Variants in ERMP1 observed in about 807,000 individuals in gnomAD.
ERMP1 encodes Felix-ina.
Under a neutral mutation model 92.0 loss-of-function variants are expected in ERMP1, and 86 were observed. The ratio of observed to expected loss-of-function variants is 0.93; its 90% CI spans 0.79 to 1.12. ERMP1 has a LOEUF of 1.12. ERMP1 is among the 50% of genes most tolerant of loss of function. ERMP1 has a pLI of 0.00. For missense variants in ERMP1, 1,342 were observed against 1,116.3 expected (o/e 1.20, Z -2.88); for synonymous variants, 530 against 412.8 (o/e 1.28, Z -3.44).
At chr9:5,788,425 A>T (rs1300476499) in intron 13 of ERMP1, among the ~76,000 whole-genome samples, 2 of 152,204 alleles carry the variant, frequency 1.3e-5, no homozygotes, top group African/African-American at 4.8e-5. Context: ...ATAAAAAAGA[A>T]GGAAGAGGAA....
intron 13 of ERMP1, among the ~76,000 whole-genome samples, chr9:5,795,802 A>G (rs1350504662): frequency 6.6e-6 from 1 of 152,006 alleles, no homozygotes; most frequent in Non-Finnish European, 1.5e-5. Context: ...AAGAAAAGAA[A>G]ATCTTCTTAA....
At chr9:5,790,169 CT>C (rs371493040) in intron 13 of ERMP1, among the ~76,000 whole-genome samples, 2,678 of 126,762 alleles carry the variant, frequency 0.021, 40 homozygotes, top group African/African-American at 0.047. Flanking sequence ...AAAACAATAC[CT>C]TTTTTTTTTT....
intron 12 of ERMP1, among the ~76,000 whole-genome samples, 150 bp downstream of exon 12, chr9:5,798,651 TAAAAA>T (rs57347922): frequency 2.5e-5 from 3 of 119,282 alleles, no homozygotes; most frequent in African/African-American, 9.4e-5. Context: ...TTTATTCCAC[TAAAAA>T]AAAAAAAAAA....
chr9:5,860,328 A>G (rs1830447900), intron 5 of ERMP1, among the ~76,000 whole-genome samples: 1 of 151,810 alleles, frequency 6.6e-6, no homozygotes, highest in South Asian at 2.1e-4. Flanking sequence ...ATTTATATTT[A>G]TAACTGGGAT....
At chr9:5,801,688 T>C (rs1828678879) in intron 10 of ERMP1, among the ~76,000 whole-genome samples, 3 of 152,350 alleles carry the variant, frequency 2.0e-5, no homozygotes, top group Non-Finnish European at 2.9e-5. Context: ...AGAGATAAGC[T>C]TTAAGCTTAG....
At chr9:5,791,882 A>C (rs754391424) in intron 13 of ERMP1, among the ~76,000 whole-genome samples, 2 of 152,246 alleles carry the variant, frequency 1.3e-5, no homozygotes, top group Non-Finnish European at 2.9e-5. Flanking sequence ...AGGAAAACAA[A>C]GACATAAACT....
intron 12 of ERMP1, 54 bp downstream of exon 12, chr9:5,798,752 T>C (rs1383033453): frequency 5.3e-6 from 6 of 1,127,920 alleles, no homozygotes; most frequent in Admixed American, 1.7e-5. Context: ...AGTACTGATA[T>C]GGTGACAAGA....
chr9:5,840,818 T>A (rs1830154337), intron 6 of ERMP1, among the ~76,000 whole-genome samples: 1 of 152,228 alleles, frequency 6.6e-6, no homozygotes, highest in Non-Finnish European at 1.5e-5. Context: ...TTCATTTGCA[T>A]GGCATTAAAA....
intron 2 of ERMP1, among the ~76,000 whole-genome samples, chr9:5,828,972 A>G (rs1829830158): frequency 6.6e-6 from 1 of 152,110 alleles, no homozygotes. Flanking sequence ...GGCCGGGCAC[A>G]GTGGCTCACA....
Position 5,811,326 on chromosome 9 carries a change from A to G in ERMP1, c.1115-3T>C, listed in dbSNP as rs1036774928. 5.7e-6 allele frequency: 9 copies of G among 1,576,944 alleles called. No homozygotes were observed. The Admixed American group carries it at 1.3e-4, about 24-fold the overall frequency. On this transcript the variant is annotated splice_polypyrimidine_tract_variant and splice_region_variant and intron_variant, in intron 6 of 14. Coordinates refer to ENST00000339450, the MANE Select transcript of ERMP1 (RefSeq NM_024896.3). ...AAGAACTGCTAAAATGTTGTCACCTATTAGTAAAAACAAAAAAAAAAAGAA... is the reference window on the plus strand; with the variant it reads ...AAGAACTGCTAAAATGTTGTCACCTGTTAGTAAAAACAAAAAAAAAAAGAA...
chr9:5,853,134 G>A (rs1006985739), intron 6 of ERMP1, among the ~76,000 whole-genome samples: 1 of 152,188 alleles, frequency 6.6e-6, no homozygotes, highest in Non-Finnish European at 1.5e-5. Context: ...CTTTAGTAAG[G>A]TGTCTTTATG....
intron 6 of ERMP1, among the ~76,000 whole-genome samples, chr9:5,839,908 T>G (rs570840143): frequency 6.6e-6 from 1 of 152,336 alleles, no homozygotes; most frequent in South Asian, 2.1e-4. Flanking sequence ...ATCATCCTCC[T>G]GTGTCCTACC....
intron 6 of ERMP1, among the ~76,000 whole-genome samples, chr9:5,846,247 G>C (rs1830232703): frequency 6.6e-6 from 1 of 152,118 alleles, no homozygotes; most frequent in Non-Finnish European, 1.5e-5. Context: ...CACTATTAAG[G>C]CACCAGATGG....
intron 6 of ERMP1, among the ~76,000 whole-genome samples, chr9:5,858,170 C>A (rs1830404785): frequency 6.6e-6 from 1 of 152,206 alleles, no homozygotes; most frequent in Non-Finnish European, 1.5e-5. Flanking sequence ...TCAGCAAGAG[C>A]TTTCTGGAGG....
intron 5 of ERMP1, among the ~76,000 whole-genome samples, chr9:5,862,082 C>A (rs1033671618): frequency 6.6e-6 from 1 of 152,014 alleles, no homozygotes; most frequent in Non-Finnish European, 1.5e-5. Flanking sequence ...CCAGCTGGAG[C>A]GCAGTGACAC....
chr9:5,827,160 G>A (rs1293376337), intron 2 of ERMP1, among the ~76,000 whole-genome samples: 2 of 152,062 alleles, frequency 1.3e-5, no homozygotes, highest in Non-Finnish European at 2.9e-5. Flanking sequence ...CAATTCCTGA[G>A]TCCTAGATAC....
chr9:5,819,518 C>T (rs1829449564), intron 4 of ERMP1, among the ~76,000 whole-genome samples: 1 of 152,164 alleles, frequency 6.6e-6, no homozygotes, highest in African/African-American at 2.4e-5. Context: ...CTGGTGCCAC[C>T]CTTGTTATTG....
At position 5,811,313 on chromosome 9, in the gene ERMP1, A is replaced by G. The variant is rs775716249; in HGVS notation, c.1125T>C (p.Ile375=). The G allele has an allele frequency of 6.2e-6, 10 of 1,610,414 alleles. No individual in the cohort carries two copies. The highest frequency in any genetic ancestry group is 8.5e-6 in the Non-Finnish European group (10 of 1,178,682). ...TAGCTAGATGCTTAAGAACTGCTAA[A>G]ATGTTGTCACCTATTAGTAAAAACA... ...TDSIQRAGDN[I]LAVLKHLATS... is the part of the protein sequence containing the mutation. The change falls in exon 7 of 15, where the codon ATT becomes ATC. Residue 375 remains isoleucine, a synonymous_variant. Coordinates refer to ENST00000339450, the MANE Select transcript of ERMP1 (RefSeq NM_024896.3).
intron 6 of ERMP1, among the ~76,000 whole-genome samples, chr9:5,850,629 A>C (rs369093083): frequency 6.6e-6 from 1 of 152,096 alleles, no homozygotes; most frequent in African/African-American, 2.4e-5. Flanking sequence ...AACTAGATGA[A>C]GCATCAGAAA....
Sources: allele counts gnomAD v4.1 joint callset (sites outside exome capture counted in the v4.1 genomes callset), GRCh38; gene constraint gnomAD v4.1.1; transcripts MANE v1.5; gene names NCBI Gene and HGNC (gene_info 2026-07-23, HGNC 2026-07-21).